The following KLHL1 variants were observed in gnomAD, a reference collection of about 807,000 sequenced individuals.
The protein encoded by KLHL1 is kelch like family member 1, also known as kelch-like protein 1.
A neutral mutation model predicts 77.7 loss-of-function variants in KLHL1; 47 were observed. The observed-to-expected ratio is 0.60, with a 90% confidence interval of 0.48 to 0.77. The LOEUF (loss-of-function observed/expected upper bound fraction) is 0.77. Among genes scored for constraint, KLHL1 ranks in the 30% least tolerant of loss-of-function variants. The pLI is 0.00. For synonymous variants in KLHL1, 360 were observed against 325.2 expected (o/e 1.11, Z -1.15); for missense variants, 925 against 910.8 (o/e 1.02, Z -0.20).
At chr13:70,094,281 A>G (rs1164396314) in intron 1 of KLHL1, among the ~76,000 whole-genome samples, 2 of 151,934 alleles carry the variant, frequency 1.3e-5, no homozygotes, top group Non-Finnish European at 2.9e-5. Context: ...AGCTAGGATC[A>G]CACCACTGCA....
intron 3 of KLHL1, among the ~76,000 whole-genome samples, chr13:69,943,463 A>T (rs1883426795): frequency 6.6e-6 from 1 of 152,032 alleles, no homozygotes; most frequent in African/African-American, 2.4e-5. Context: ...TGGAAAATAC[A>T]GTGATTAGAG....
intron 2 of KLHL1, among the ~76,000 whole-genome samples, chr13:69,969,199 C>A (rs1329667022): frequency 2.0e-5 from 3 of 151,988 alleles, no homozygotes; most frequent in Non-Finnish European, 4.4e-5. Context: ...CCATGTAATT[C>A]ATGCATTTAA....
chr13:69,920,275 A>G (rs1010252997), intron 4 of KLHL1, among the ~76,000 whole-genome samples: 3 of 152,146 alleles, frequency 2.0e-5, no homozygotes, highest in Non-Finnish European at 4.4e-5. Flanking sequence ...GGAAAACAGT[A>G]TATGATTACT....
intron 4 of KLHL1, among the ~76,000 whole-genome samples, chr13:69,913,305 A>G (rs7328492): frequency 0.55 from 83,242 of 151,974 alleles, 22,933 homozygotes; most frequent in South Asian, 0.66. Flanking sequence ...GCAGGGAGCT[A>G]TATCCAAAGC....
intron 6 of KLHL1, among the ~76,000 whole-genome samples, chr13:69,834,355 T>C (rs867239071): frequency 6.6e-6 from 1 of 151,946 alleles, no homozygotes; most frequent in Admixed American, 6.6e-5. Flanking sequence ...TTAAAAAAAA[T>C]CAGTTACTGA....
intron 4 of KLHL1, among the ~76,000 whole-genome samples, chr13:69,900,498 A>G (rs969471775): frequency 3.9e-5 from 6 of 152,208 alleles, no homozygotes; most frequent in Non-Finnish European, 8.8e-5. Flanking sequence ...TGTTCCCAGT[A>G]ATCCACTTAC....
At chr13:69,826,439 C>G in intron 6 of KLHL1, among the ~76,000 whole-genome samples, 1 of 151,958 alleles carries the variant, frequency 6.6e-6, no homozygotes, top group East Asian at 1.9e-4. Context: ...ACAAAAAAAC[C>G]CATAGTGGTG....
chr13:69,927,193 T>C lies in KLHL1; in HGVS notation c.1014+12847A>G, dbSNP rs1365959160. Among the ~76,000 whole-genome samples, 13 of 152,186 alleles carry C rather than the reference T, an allele frequency of 8.5e-5. No homozygotes were observed. In the East Asian group the frequency reaches 2.1e-3, roughly 25 times the overall value. ...CTGTTACACACGCAAAATGTATACA[T>C]GTGTACACATGATACACACATGCAA... On this transcript the variant is annotated intron_variant, in intron 4 of 10. Coordinates refer to ENST00000377844, the MANE Select transcript of KLHL1 (RefSeq NM_020866.3).
chr13:69,770,362 C>T (rs373787673), intron 7 of KLHL1, among the ~76,000 whole-genome samples: 1 of 152,252 alleles, frequency 6.6e-6, no homozygotes, highest in Non-Finnish European at 1.5e-5. Flanking sequence ...AGAAGCTTTG[C>T]TGGCCACGGA....
At chr13:69,921,125 A>G (rs1882618842) in intron 4 of KLHL1, among the ~76,000 whole-genome samples, 2 of 152,208 alleles carry the variant, frequency 1.3e-5, no homozygotes, top group African/African-American at 4.8e-5. Context: ...AGTTAAACAG[A>G]GTTGCAATTA....
intron 3 of KLHL1, among the ~76,000 whole-genome samples, chr13:69,950,067 C>T (rs1035639078): frequency 7.9e-5 from 12 of 151,660 alleles, no homozygotes; most frequent in Non-Finnish European, 1.6e-4. Flanking sequence ...TACATGCCTT[C>T]CACCCACAAG....
At chr13:69,965,940 G>T (rs1273649704) in intron 2 of KLHL1, among the ~76,000 whole-genome samples, 1 of 152,162 alleles carries the variant, frequency 6.6e-6, no homozygotes, top group African/African-American at 2.4e-5. Context: ...AAAGTTGGCA[G>T]AAGTTAGTTT....
intron 1 of KLHL1, among the ~76,000 whole-genome samples, chr13:70,024,453 T>A (rs1381046254): frequency 6.6e-6 from 1 of 151,898 alleles, no homozygotes; most frequent in Non-Finnish European, 1.5e-5. Flanking sequence ...AATCGAGTGC[T>A]GTTATTTTTT....
At chr13:69,852,061 C>A (rs947430137) in intron 5 of KLHL1, among the ~76,000 whole-genome samples, 4 of 151,822 alleles carry the variant, frequency 2.6e-5, no homozygotes, top group Non-Finnish European at 4.4e-5. Flanking sequence ...TGCATCTATG[C>A]ATATTATCCT....
chr13:69,719,815 A>G (rs1257133668), intron 8 of KLHL1, among the ~76,000 whole-genome samples: 3 of 151,976 alleles, frequency 2.0e-5, no homozygotes, highest in Non-Finnish European at 2.9e-5. Context: ...TATAATTTTA[A>G]CCTCTATTTC....
intron 1 of KLHL1, among the ~76,000 whole-genome samples, chr13:70,073,250 C>T (rs1047886517): frequency 2.4e-4 from 36 of 152,154 alleles, no homozygotes; most frequent in African/African-American, 8.2e-4. Context: ...GAGTTCATGT[C>T]CTTTGTAGGG....
intron 1 of KLHL1, among the ~76,000 whole-genome samples, chr13:70,098,656 TG>T (rs1379118621): frequency 3.3e-5 from 5 of 151,896 alleles, no homozygotes; most frequent in Non-Finnish European, 7.4e-5. Context: ...CTTCCAGAGA[TG>T]CCCTTTTAAA....
chr13:69,846,089 T>G (rs2138122638), intron 5 of KLHL1, among the ~76,000 whole-genome samples: 1 of 150,956 alleles, frequency 6.6e-6, no homozygotes, highest in South Asian at 2.1e-4. Context: ...GACAACAAAC[T>G]AAATAACAAG....
intron 6 of KLHL1, among the ~76,000 whole-genome samples, chr13:69,804,835 T>A (rs890021713): frequency 3.9e-5 from 6 of 152,200 alleles, no homozygotes; most frequent in African/African-American, 1.4e-4. Flanking sequence ...TTATGTTTGA[T>A]GTATTGTCTT....
Sources: allele counts gnomAD v4.1 joint callset (sites outside exome capture counted in the v4.1 genomes callset), GRCh38; gene constraint gnomAD v4.1.1; transcripts MANE v1.5; gene names NCBI Gene and HGNC (gene_info 2026-07-23, HGNC 2026-07-21).